Variants in CASK observed in about 807,000 individuals in gnomAD.
The protein encoded by CASK is calcium/calmodulin dependent serine protein kinase, also known as peripheral plasma membrane protein CASK.
Under a neutral mutation model 82.9 loss-of-function variants are expected in CASK, and 4 were observed. The ratio of observed to expected loss-of-function variants is 0.05; its 90% confidence interval spans 0.02 to 0.11. The LOEUF is 0.11. CASK is among the 10% of genes least tolerant of loss of function. The pLI, the probability that CASK is intolerant of heterozygous loss-of-function variation, is 1.00. For missense variants in CASK, 358 were observed against 720.9 expected (o/e 0.50, Z 5.76); for synonymous variants, 259 against 253.5 (o/e 1.02, Z -0.20).
intron 8 of CASK, among the ~76,000 whole-genome samples, chrX:41,647,718 T>C (rs2066784664): frequency 8.9e-6 from 1 of 111,893 alleles, no homozygotes; most frequent in Non-Finnish European, 1.9e-5. Flanking sequence ...CATTTATTAG[T>C]TCCCCAAATT....
rs1264357935 is a variant in CASK, at chrX:41,519,943, A to T, written c.*477T>A. ...ATGACTGTTTTGTAATCACTACACT[A>T]ATTATTTCAAATAAATAAAGGAAAG... On this transcript the variant is annotated 3_prime_UTR_variant, in exon 27 of 27. Transcript: ENST00000378163. 1 of 111,455 alleles carries T rather than the reference A, an allele frequency of 9.0e-6. No individual in the cohort carries two copies. Among genetic ancestry groups the T allele is most frequent in the African/African-American group, 3.3e-5 (1 of 30,605 alleles). 9.2% of individuals were successfully genotyped at this position (111,455 alleles called of 1,213,427 possible).
chrX:41,612,386 AC>A (rs2066083623), intron 11 of CASK, among the ~76,000 whole-genome samples: 1 of 86,198 alleles, frequency 1.2e-5, no homozygotes, highest in Non-Finnish European at 2.3e-5. Context: ...CCGCCCGGCA[AC>A]CGCCCCGTCT....
At chrX:41,619,253 T>C (rs1362754996) in intron 11 of CASK, among the ~76,000 whole-genome samples, 5 of 111,403 alleles carry the variant, frequency 4.5e-5, no homozygotes, top group African/African-American at 1.6e-4. Context: ...TTTGTTTTCA[T>C]AATTCATTTG....
chrX:41,582,995 C>T (rs1602299757), intron 14 of CASK, among the ~76,000 whole-genome samples: 2 of 111,984 alleles, frequency 1.8e-5, no homozygotes, highest in African/African-American at 6.5e-5. Context: ...AGTGGAAGTT[C>T]CATGAGGGCA....
chrX:41,865,967 C>T (rs1305403995), intron 1 of CASK, among the ~76,000 whole-genome samples: 1 of 112,352 alleles, frequency 8.9e-6, no homozygotes, highest in Non-Finnish European at 1.9e-5. Flanking sequence ...CAGGAAGACA[C>T]ATGGCTTCGC....
chrX:41,749,122 T>C (rs996610945), intron 3 of CASK, among the ~76,000 whole-genome samples: 1 of 108,630 alleles, frequency 9.2e-6, no homozygotes, highest in Non-Finnish European at 1.9e-5. Flanking sequence ...CTGTCTCTAC[T>C]AAAAAAATAC....
At chrX:41,755,065 G>C (rs191442594) in intron 3 of CASK, among the ~76,000 whole-genome samples, 1 of 109,865 alleles carries the variant, frequency 9.1e-6, no homozygotes, top group East Asian at 2.9e-4. Flanking sequence ...TTTTAGTAGA[G>C]ATGGGGTTTC....
At chrX:41,527,641 C>T (rs1004359123) in intron 25 of CASK, among the ~76,000 whole-genome samples, 4 of 112,262 alleles carry the variant, frequency 3.6e-5, no homozygotes, top group African/African-American at 1.3e-4. Flanking sequence ...GTCTCTGGTT[C>T]AGAACCTGGC....
At chrX:41,785,002 CTTTTTTT>C (rs368185380) in intron 3 of CASK, among the ~76,000 whole-genome samples, 2 of 74,836 alleles carry the variant, frequency 2.7e-5, no homozygotes, top group East Asian at 4.1e-4. Flanking sequence ...TTTCAAAATT[CTTTTTTT>C]TTTTTTTTTT....
chrX:41,900,035 GTTTT>G lies in CASK; in HGVS notation c.59+22891_59+22894del, dbSNP rs992999627. On this transcript the variant is annotated intron_variant, in intron 1 of 26. Coordinates refer to ENST00000378163, the MANE Select transcript of CASK (RefSeq NM_001367721.1). Reference sequence around the variant, plus strand: ...CAGGTATATAATACATGGTTGGCAGGTTTTTTGTTTTGTTTTTTTTTTTTTTCTT... The same window carrying G: ...CAGGTATATAATACATGGTTGGCAGGTTGTTTTGTTTTTTTTTTTTTTCTT... 1.5e-3 allele frequency among the ~76,000 whole-genome samples: 160 copies of G among 106,537 alleles called. 1 individual carries two copies. The highest frequency in any genetic ancestry group is 5.3e-3 in the African/African-American group (153 of 29,122). 92.5% of individuals were successfully genotyped at this position (106,537 alleles called of 115,157 possible). A position where few individuals can be genotyped will look rare whatever the true frequency, so the allele number is the denominator to read the frequency against.
At chrX:41,807,483 C>T (rs1365857946) in intron 2 of CASK, among the ~76,000 whole-genome samples, 4 of 111,902 alleles carry the variant, frequency 3.6e-5, no homozygotes, top group Non-Finnish European at 5.6e-5. Context: ...GCATCCCAGA[C>T]ACTTAGTACT....
chrX:41,901,156 T>C (rs2148066391), intron 1 of CASK, among the ~76,000 whole-genome samples: 1 of 112,272 alleles, frequency 8.9e-6, no homozygotes, highest in East Asian at 2.8e-4. Flanking sequence ...CGGTGATCCT[T>C]GCAGTTTTGC....
intron 9 of CASK, among the ~76,000 whole-genome samples, chrX:41,627,276 A>G (rs1414531739): frequency 9.0e-6 from 1 of 111,634 alleles, no homozygotes; most frequent in African/African-American, 3.3e-5. Context: ...ACTACATATG[A>G]CTCTTTTAAG....
At chrX:41,622,536 G>T in intron 11 of CASK, 81 bp downstream of exon 11, 2 of 812,850 alleles carry the variant, frequency 2.5e-6, no homozygotes, top group Non-Finnish European at 3.6e-6. Flanking sequence ...CAAGGAAAAA[G>T]TCAAGCTGAT....
chrX:41,566,015 C>T (rs1197302938), intron 16 of CASK, among the ~76,000 whole-genome samples: 2 of 111,633 alleles, frequency 1.8e-5, no homozygotes, highest in Non-Finnish European at 3.8e-5. Context: ...GCAGAAAAGG[C>T]CTTCAACAAA....
At chrX:41,557,849 T>C (rs1021980978) in intron 18 of CASK, among the ~76,000 whole-genome samples, 1 of 111,876 alleles carries the variant, frequency 8.9e-6, no homozygotes, top group African/African-American at 3.2e-5. Context: ...CCAAATCAAC[T>C]TTAACGATAA....
chrX:41,619,714 A>G (rs1433958427), intron 11 of CASK, among the ~76,000 whole-genome samples: 1 of 112,213 alleles, frequency 8.9e-6, no homozygotes. Flanking sequence ...TAAACAGTCA[A>G]ATGTTTAGAC....
chrX:41,575,262 C>G (rs1232704775), intron 15 of CASK, among the ~76,000 whole-genome samples: 1 of 111,628 alleles, frequency 9.0e-6, no homozygotes, highest in Non-Finnish European at 1.9e-5. Context: ...CACCTCAAAC[C>G]AACTGTAGTT....
chrX:41,740,916 CTT>C (rs755013039), intron 4 of CASK, among the ~76,000 whole-genome samples: 70 of 112,117 alleles, frequency 6.2e-4, no homozygotes, highest in Middle Eastern at 4.6e-3. Context: ...GAGTTTCCCT[CTT>C]GTCTCCCAGG....
Sources: allele counts gnomAD v4.1 joint callset (sites outside exome capture counted in the v4.1 genomes callset), GRCh38; gene constraint gnomAD v4.1.1; transcripts MANE v1.5; gene names NCBI Gene and HGNC (gene_info 2026-07-23, HGNC 2026-07-21).